Variants in PIGG observed in about 807,000 individuals in gnomAD.
PIGG encodes GPI ethanolamine phosphate transferase 2, catalytic subunit.
A neutral mutation model predicts 83.2 loss-of-function variants in PIGG; 70 were observed. That is an observed-to-expected ratio of 0.84 (90% CI 0.69 to 1.03). The LOEUF (loss-of-function observed/expected upper bound fraction) is 1.03. PIGG is among the 50% of genes least tolerant of loss of function. PIGG has a pLI of 0.00. For synonymous variants in PIGG, 532 were observed against 519.5 expected (o/e 1.02, Z -0.33); for missense variants, 1,257 against 1,233.6 (o/e 1.02, Z -0.28).
Position 507,126 on chromosome 4 carries a change from C to T in PIGG, c.571-279C>T, listed in dbSNP as rs755480625. The stretch of plus-strand genomic sequence containing the variant: ...CTAATGTTCATTTATTTATTATAGA[C>T]GTGGGGTCTTGCTATGTTGCCCAGG... On this transcript the variant is annotated intron_variant, in intron 3 of 12. Coordinates refer to ENST00000453061, the MANE Select transcript of PIGG (RefSeq NM_001127178.3). Among the ~76,000 whole-genome samples the T allele has an allele frequency of 2.6e-5, 4 of 152,322 alleles. No individual in the cohort carries two copies. In the East Asian group the frequency reaches 5.8e-4, roughly 22 times the overall value.
At position 528,832 on chromosome 4, in the gene PIGG, C is replaced by G. The variant is rs778593242; in HGVS notation, c.2261+1602C>G. ...CTAGTGTCCAGAACTAGCCAGTGTG[C>G]CTTTTCTTTCCACACGCACTGCCTG... On this transcript the variant is annotated intron_variant, in intron 10 of 12. Coordinates refer to ENST00000453061, the MANE Select transcript of PIGG (RefSeq NM_001127178.3). The surrounding 1 kb of genome is among the most constrained non-coding windows in gnomAD (Gnocchi z 4.8). The G allele has an allele frequency of 3.6e-6, 2 of 559,530 alleles. No individual in the cohort carries two copies. Among genetic ancestry groups the G allele is most frequent in the African/African-American group, 4.1e-5 (2 of 48,842 alleles). 34.7% of individuals were successfully genotyped at this position (559,530 alleles called of 1,614,324 possible).
chr4:523,877 G>T lies in PIGG; in HGVS notation c.2033G>T (p.Trp678Leu). Residue 678 changes from tryptophan to leucine, a missense_variant, in exon 9 of 13, where the codon TGG (tryptophan) becomes TTG (leucine). Transcript: ENST00000453061. ...LRSLNQTGVQ[W>L]AHRPDLGHWL... Reference sequence around the variant, plus strand: ...TCCCTAAACCAGACAGGTGTGCAGTGGGCTCACCGGCCTGACCTCGGCCAC... The same window carrying T: ...TCCCTAAACCAGACAGGTGTGCAGTTGGCTCACCGGCCTGACCTCGGCCAC... The T allele has an allele frequency of 6.4e-7, 1 of 1,556,798 alleles. No individual in the cohort carries two copies. Among genetic ancestry groups the T allele is most frequent in the Non-Finnish European group, 8.7e-7 (1 of 1,147,820 alleles).
rs150802299 is a variant in PIGG, at chr4:530,726, A to C, written c.2552A>C (p.Gln851Pro). Residue 851 changes from glutamine (Q) to proline (P), a missense_variant, in exon 11 of 13, where the codon CAA becomes CCA. Transcript: ENST00000453061. ...ACTGTGATGCATTATTGGTTTGGTC[A>C]AGCATTCTTCTATTTTCAGGTAGGT... is the stretch of plus-strand genomic sequence containing the variant. ...EITVMHYWFGQAFFYFQGNSN... is the reference protein window; with the variant it reads ...EITVMHYWFGPAFFYFQGNSN... 46 of 1,608,774 alleles carry C rather than the reference A, an allele frequency of 2.9e-5. No individual in the cohort carries two copies. The African/African-American group carries it at 4.5e-4, about 16-fold the overall frequency.
intron 5 of PIGG, among the ~76,000 whole-genome samples, chr4:512,719 G>T (rs1023153900): frequency 6.6e-6 from 1 of 151,966 alleles, no homozygotes; most frequent in Admixed American, 6.6e-5. Flanking sequence ...GGACGCTGAG[G>T]CAGGAGAATC....
chr4:500,798 G>A (rs1192621136), intron 2 of PIGG, among the ~76,000 whole-genome samples, 197 bp downstream of exon 2: 1 of 152,174 alleles, frequency 6.6e-6, no homozygotes, highest in Non-Finnish European at 1.5e-5. Flanking sequence ...CCCATGTCAA[G>A]TAGCCAAAGC....
In PIGG at chr4:515,746, C is replaced by T. The variant is rs550570577; in HGVS notation, c.902-227C>T. On this transcript the variant is annotated intron_variant, in intron 5 of 12. Transcript: ENST00000453061. The surrounding 1 kb of genome is among the most constrained non-coding windows in gnomAD (Gnocchi z 4.2). ...GAATTCCTCACATGAGCCTCTCTCGCAGCCTGTTGCAGGCTACTGAAGGAA... is the reference window on the plus strand; with the variant it reads ...GAATTCCTCACATGAGCCTCTCTCGTAGCCTGTTGCAGGCTACTGAAGGAA... Among the ~76,000 whole-genome samples, 1 of 152,368 alleles carries T rather than the reference C, an allele frequency of 6.6e-6. No individual in the cohort carries two copies. The highest frequency in any genetic ancestry group is 2.1e-4 in the South Asian group (1 of 4,826).
At chr4:500,277 G>C in intron 1 of PIGG, 119 bp from the exon 2 acceptor site, 1 of 733,208 alleles carries the variant, frequency 1.4e-6, no homozygotes, top group East Asian at 2.7e-5. Flanking sequence ...TTTTGGGTTG[G>C]GTTATGTAGA....
chr4:499,521 C>T, intron 1 of PIGG, 32 bp downstream of exon 1: 1 of 1,570,614 alleles, frequency 6.4e-7, no homozygotes, highest in Middle Eastern at 2.2e-4. Flanking sequence ...CTCCGCTCCC[C>T]TGACCCCACA....
At chr4:524,352 A>G (rs1560346774) in intron 9 of PIGG, among the ~76,000 whole-genome samples, 1 of 152,174 alleles carries the variant, frequency 6.6e-6, no homozygotes, top group Non-Finnish European at 1.5e-5. Flanking sequence ...GCCGGGTCAC[A>G]TGTAAGGAAA....
intron 1 of PIGG, chr4:499,932 CCT>C (rs1716982718): frequency 4.4e-6 from 1 of 225,186 alleles, no homozygotes; most frequent in Non-Finnish European, 8.6e-6. Flanking sequence ...GGGGCTAAGG[CCT>C]CTCTGCGTTA....
Position 523,620 on chromosome 4 carries a change from A to C in PIGG, c.1776A>C (p.Glu592Asp), listed in dbSNP as rs1440074995. The C allele has an allele frequency of 6.2e-7, 1 of 1,614,160 alleles. No homozygotes were observed. ...CCCTGTGTCTAGCTCTGAGCCAAGA[A>C]ACCTACAGAAACTACTTTCTGGGAG... is the stretch of plus-strand genomic sequence containing the variant. Reference protein sequence around the residue: ...VNTLCLALSQETYRNYFLGDD... With the variant: ...VNTLCLALSQDTYRNYFLGDD... The change falls in exon 9 of 13, where the codon GAA becomes GAC. Residue 592 changes from glutamate (E) to aspartate (D), a missense_variant. Transcript: ENST00000453061.
rs1432886604 is a variant in PIGG at position 528,395 on chromosome 4, C to A, written c.2261+1165C>A. 3.0e-6 allele frequency: 3 copies of A among 985,040 alleles called. No individual in the cohort carries two copies. The African/African-American group carries it at 5.2e-5, about 17-fold the overall frequency. The allele number at this position is 985,040 out of a possible 1,614,324, so 61.0% of individuals were successfully genotyped here. On this transcript the variant is annotated intron_variant, in intron 10 of 12. Coordinates refer to ENST00000453061, the MANE Select transcript of PIGG (RefSeq NM_001127178.3). The surrounding 1 kb of genome is among the most constrained non-coding windows in gnomAD (Gnocchi z 4.8). Reference sequence around the variant, plus strand: ...TTCTAATCACAGCAAGTCAAGGTGACTGCTGAGGGCTGTGGCCAGCCTGAG... The same window carrying A: ...TTCTAATCACAGCAAGTCAAGGTGAATGCTGAGGGCTGTGGCCAGCCTGAG...
At chr4:511,966 A>G (rs1722109115) in intron 5 of PIGG, among the ~76,000 whole-genome samples, 1 of 152,084 alleles carries the variant, frequency 6.6e-6, no homozygotes, top group Admixed American at 6.5e-5. Context: ...TCTTAATCTA[A>G]TTGGGTTTCC....
At chr4:532,746 T>G (rs993869646) in intron 11 of PIGG, 1 of 152,368 alleles carries the variant, frequency 6.6e-6, no homozygotes, top group African/African-American at 2.4e-5. Context: ...GTTCTGGTTC[T>G]GGAGAGGGAT....
At chr4:502,915 A>G (rs1158906848) in intron 2 of PIGG, among the ~76,000 whole-genome samples, 1 of 151,936 alleles carries the variant, frequency 6.6e-6, no homozygotes, top group African/African-American at 2.4e-5. Context: ...TGTTAAGTCC[A>G]TGATGTATAA....
At chr4:512,951 G>A (rs891171847) in intron 5 of PIGG, among the ~76,000 whole-genome samples, 4 of 152,148 alleles carry the variant, frequency 2.6e-5, no homozygotes, top group Admixed American at 6.5e-5. Flanking sequence ...GAGGGAGATC[G>A]TATAACCAAC....
At chr4:531,925 C>T (rs777115140) in intron 11 of PIGG, 1 of 152,384 alleles carries the variant, frequency 6.6e-6, no homozygotes, top group East Asian at 1.9e-4. Flanking sequence ...ACCTTCGTTT[C>T]CTTATCTGTA....
At chr4:502,212 TCTG>T (rs1277354029) in intron 2 of PIGG, 10 of 152,262 alleles carry the variant, frequency 6.6e-5, no homozygotes, top group Admixed American at 2.0e-4. Context: ...TCTTGGGGCC[TCTG>T]TCTCCAGCTT....
chr4:521,159 C>G lies in PIGG; in HGVS notation c.1218C>G (p.Ser406=), dbSNP rs1725742119. ...CAGAAGTCCTATTCAACCTGGGCTCCAAGGTTCTCAGGCAGTACCTGGATG... is the reference window on the plus strand; with the variant it reads ...CAGAAGTCCTATTCAACCTGGGCTCGAAGGTTCTCAGGCAGTACCTGGATG... ...KHSEVLFNLG[S]KVLRQYLDAL... is the part of the protein sequence containing the mutation. Residue 406 remains serine, a synonymous_variant, in exon 7 of 13, where the codon TCC becomes TCG. Coordinates refer to ENST00000453061, the MANE Select transcript of PIGG (RefSeq NM_001127178.3). 1.9e-6 allele frequency: 3 copies of G among 1,614,124 alleles called. No individual in the cohort carries two copies. Among genetic ancestry groups the G allele is most frequent in the Non-Finnish European group, 2.5e-6 (3 of 1,179,998 alleles).
Sources: allele counts gnomAD v4.1 joint callset (sites outside exome capture counted in the v4.1 genomes callset), GRCh38; gene constraint gnomAD v4.1.1; non-coding constraint Gnocchi (gnomAD v3.1); transcripts MANE v1.5; gene names NCBI Gene and HGNC (gene_info 2026-07-23, HGNC 2026-07-21).